The following MAGI2 variants were observed in gnomAD, a reference collection of about 807,000 sequenced individuals.
MAGI2 encodes membrane-associated guanylate kinase, WW and PDZ domain-containing protein 2.
In MAGI2, 35 loss-of-function variants were observed where a neutral mutation model predicts 133.3. The observed-to-expected ratio is 0.26, with a 90% CI of 0.20 to 0.35. The LOEUF (loss-of-function observed/expected upper bound fraction) is 0.35. Among genes scored for constraint, MAGI2 ranks in the 10% least tolerant of loss-of-function variants. The probability of loss-of-function intolerance (pLI) is 1.00; values close to 1 mark genes in which losing one functional copy is unlikely to be tolerated. For missense variants in MAGI2, 1,636 were observed against 1,863.4 expected, an observed-to-expected ratio of 0.88 and a Z score of 2.25; for synonymous variants, 729 against 710.6, an observed-to-expected ratio of 1.03 and a Z score of -0.41.
At chr7:79,154,884 G>A (rs901880122) in intron 1 of MAGI2, among the ~76,000 whole-genome samples, 6 of 152,228 alleles carry the variant, frequency 3.9e-5, no homozygotes, top group Admixed American at 6.5e-5. Flanking sequence ...AAACAAAACA[G>A]CAACAACAAC....
chr7:79,042,742 A>G, intron 1 of MAGI2, among the ~76,000 whole-genome samples: 1 of 152,168 alleles, frequency 6.6e-6, no homozygotes, highest in East Asian at 1.9e-4. Context: ...AAACAGACCT[A>G]ACAGACATCC....
At chr7:78,097,221 TA>T (rs2151233987) in intron 20 of MAGI2, among the ~76,000 whole-genome samples, 1 of 152,292 alleles carries the variant, frequency 6.6e-6, no homozygotes, top group African/African-American at 2.4e-5. Flanking sequence ...GGTGGAAGTG[TA>T]AATTAGTTCA....
Position 79,262,584 on chromosome 7 carries a change from G to A in MAGI2, c.301+190436C>T, listed in dbSNP as rs976290407. On this transcript the variant is annotated intron_variant, in intron 1 of 21. Transcript: ENST00000354212. The stretch of plus-strand genomic sequence containing the variant: ...AAAAAAAGTAACAAAATATAACAAG[G>A]GGATTCTTTCTGTCACTTTTTTGGC... 5.3e-5 allele frequency among the ~76,000 whole-genome samples: 8 copies of A among 151,920 alleles called. No individual in the cohort carries two copies. The South Asian group carries it at 1.5e-3, about 28-fold the overall frequency.
intron 2 of MAGI2, among the ~76,000 whole-genome samples, chr7:78,895,792 C>T (rs1469907976): frequency 6.6e-6 from 1 of 152,114 alleles, no homozygotes; most frequent in Non-Finnish European, 1.5e-5. Flanking sequence ...GTGGAAATCT[C>T]TGTTATTACT....
chr7:78,529,234 C>T (rs369888239), intron 3 of MAGI2, among the ~76,000 whole-genome samples: 11 of 152,126 alleles, frequency 7.2e-5, no homozygotes, highest in Non-Finnish European at 1.2e-4. Context: ...CATTTATTCA[C>T]GTCAGCTAAT....
At chr7:78,856,691 C>T (rs1793669261) in intron 2 of MAGI2, among the ~76,000 whole-genome samples, 1 of 152,114 alleles carries the variant, frequency 6.6e-6, no homozygotes, top group African/African-American at 2.4e-5. Flanking sequence ...AGCATGATGC[C>T]TCCAGCTTTT....
At chr7:79,026,969 T>C (rs756054542) in intron 1 of MAGI2, among the ~76,000 whole-genome samples, 1 of 152,110 alleles carries the variant, frequency 6.6e-6, no homozygotes, top group Non-Finnish European at 1.5e-5. Flanking sequence ...AAATGCTTAA[T>C]TCACTAATTA....
intron 2 of MAGI2, among the ~76,000 whole-genome samples, chr7:78,652,035 T>C (rs1212280764): frequency 6.6e-6 from 1 of 152,086 alleles, no homozygotes; most frequent in Non-Finnish European, 1.5e-5. Context: ...GTGAAGAAAA[T>C]TTAGAAAACC....
Position 78,489,780 on chromosome 7 carries a change from T to C in MAGI2, c.1026A>G (p.Pro342=). The change falls in exon 6 of 22, where the codon CCA becomes CCG. Residue 342 remains proline, a synonymous_variant. Transcript: ENST00000354212. ...DPRLAKKAKP[P]EECKENELPY... ...ACCTACCATTTTCTTTGCACTCTTC[T>C]GGAGGTTTAGCCTTTTTCGCAAGTC... 6.2e-7 allele frequency: 1 copy of C among 1,612,694 alleles called. No homozygotes were observed. The highest frequency in any genetic ancestry group is 8.5e-7 in the Non-Finnish European group (1 of 1,179,038).
intron 1 of MAGI2, among the ~76,000 whole-genome samples, chr7:79,238,429 G>C (rs1434147270): frequency 6.6e-6 from 1 of 151,872 alleles, no homozygotes; most frequent in African/African-American, 2.4e-5. Context: ...TTGACCCTTT[G>C]TATTTTCTTC....
chr7:78,797,754 T>C (rs1384679293), intron 2 of MAGI2, among the ~76,000 whole-genome samples: 1 of 152,154 alleles, frequency 6.6e-6, no homozygotes, highest in Admixed American at 6.6e-5. Context: ...AGGAGACAAC[T>C]GCCAAGCCCA....
At chr7:78,043,427 A>G (rs964424604) in intron 21 of MAGI2, among the ~76,000 whole-genome samples, 1 of 152,184 alleles carries the variant, frequency 6.6e-6, no homozygotes, top group Non-Finnish European at 1.5e-5. Flanking sequence ...AAAGGTCAAG[A>G]GAAAGTTTTG....
chr7:78,671,906 T>C (rs1814438270), intron 2 of MAGI2, among the ~76,000 whole-genome samples: 1 of 152,166 alleles, frequency 6.6e-6, no homozygotes, highest in South Asian at 2.1e-4. Flanking sequence ...TGACATTAAT[T>C]GGGAGGCTAA....
chr7:79,025,840 T>C (rs1809832145), intron 1 of MAGI2, among the ~76,000 whole-genome samples: 1 of 152,202 alleles, frequency 6.6e-6, no homozygotes, highest in Non-Finnish European at 1.5e-5. Flanking sequence ...TATTGTAAAC[T>C]GGAAAAGAAA....
intron 2 of MAGI2, among the ~76,000 whole-genome samples, chr7:78,898,320 T>A (rs1436461922): frequency 6.6e-6 from 1 of 152,104 alleles, no homozygotes; most frequent in African/African-American, 2.4e-5. Context: ...ATCAACGGAA[T>A]GTAAATTGTT....
At chr7:78,495,912 A>T (rs1235403298) in intron 5 of MAGI2, among the ~76,000 whole-genome samples, 1 of 152,184 alleles carries the variant, frequency 6.6e-6, no homozygotes, top group Non-Finnish European at 1.5e-5. Context: ...TATTCAATGT[A>T]TCTCCTGTCT....
chr7:78,634,239 T>C (rs1809382441), intron 2 of MAGI2, among the ~76,000 whole-genome samples: 1 of 152,252 alleles, frequency 6.6e-6, no homozygotes, highest in Admixed American at 6.5e-5. Context: ...TTTTGTCTTT[T>C]GTAGACAGTC....
chr7:78,136,718 T>C (rs541452903), intron 16 of MAGI2, among the ~76,000 whole-genome samples: 1 of 152,244 alleles, frequency 6.6e-6, no homozygotes, highest in Non-Finnish European at 1.5e-5. Context: ...TGTAGAAATA[T>C]GCAAAAACAC....
intron 2 of MAGI2, among the ~76,000 whole-genome samples, chr7:78,988,885 G>T (rs921730719): frequency 2.0e-5 from 3 of 152,022 alleles, no homozygotes; most frequent in Non-Finnish European, 4.4e-5. Context: ...AAGATAAAAG[G>T]CCAAGATAGA....
Sources: gnomAD v4.1 joint callset for allele counts (sites outside exome capture counted in the v4.1 genomes callset) on GRCh38, gnomAD v4.1.1 for gene constraint, MANE v1.5 for transcripts, NCBI Gene and HGNC (gene_info 2026-07-23, HGNC 2026-07-21) for gene names.